The following EXOC2 variants were observed in gnomAD, a reference collection of about 807,000 sequenced individuals.
EXOC2 encodes the protein SEC5-like 1.
In EXOC2, 70 loss-of-function variants were observed where a neutral mutation model predicts 131.8. That is an observed-to-expected ratio of 0.53 (90% CI 0.44 to 0.65). EXOC2 has a LOEUF of 0.65. Ranked by LOEUF, EXOC2 falls within the 30% of genes least tolerant of loss-of-function variation. The pLI is 0.00. For synonymous variants in EXOC2, 411 were observed against 398.4 expected (o/e 1.03, Z -0.38); for missense variants, 923 against 1,108.6 (o/e 0.83, Z 2.38).
At chr6:644,828 A>G (rs558159463) in intron 1 of EXOC2, among the ~76,000 whole-genome samples, 2 of 152,304 alleles carry the variant, frequency 1.3e-5, no homozygotes, top group South Asian at 4.1e-4. Flanking sequence ...TATACTGCAG[A>G]GACAAAATAA....
intron 12 of EXOC2, among the ~76,000 whole-genome samples, chr6:573,610 T>C (rs1758409888): frequency 6.6e-6 from 1 of 152,004 alleles, no homozygotes; most frequent in Admixed American, 6.6e-5. Flanking sequence ...GCAAAAGGAT[T>C]TGCTGTTGTT....
At chr6:531,203 G>T (rs532587070) in intron 23 of EXOC2, among the ~76,000 whole-genome samples, 1 of 152,358 alleles carries the variant, frequency 6.6e-6, no homozygotes, top group South Asian at 2.1e-4. Context: ...CAGCTGGAGA[G>T]GGGCTGTGAG....
chr6:517,132 G>C (rs1765203655), intron 23 of EXOC2, among the ~76,000 whole-genome samples: 1 of 152,194 alleles, frequency 6.6e-6, no homozygotes, highest in Admixed American at 6.5e-5. Context: ...GTTGGGGGTA[G>C]ACAGGGTGGA....
chr6:541,187 C>T (rs1266549916), intron 22 of EXOC2, among the ~76,000 whole-genome samples: 1 of 152,184 alleles, frequency 6.6e-6, no homozygotes, highest in East Asian at 1.9e-4. Flanking sequence ...ATTCCAACTG[C>T]TCCTCTGCTC....
chr6:677,338 T>C (rs976580316), intron 1 of EXOC2, among the ~76,000 whole-genome samples: 1 of 152,278 alleles, frequency 6.6e-6, no homozygotes, highest in East Asian at 1.9e-4. Flanking sequence ...TTGAAGTTTT[T>C]GTGTTTAGTG....
intron 13 of EXOC2, 34 bp downstream of exon 13, chr6:572,486 T>C (rs1758339094): frequency 1.3e-6 from 2 of 1,582,510 alleles, no homozygotes; most frequent in Non-Finnish European, 1.7e-6. Context: ...GCACGGTGAC[T>C]CAGCTCCACC....
intron 22 of EXOC2, among the ~76,000 whole-genome samples, chr6:541,397 T>C (rs947091000): frequency 3.9e-5 from 6 of 152,316 alleles, no homozygotes; most frequent in Non-Finnish European, 4.4e-5. Flanking sequence ...TAATGAACTA[T>C]GTAAATAAAC....
intron 17 of EXOC2, among the ~76,000 whole-genome samples, chr6:562,168 A>C (rs1757732280): frequency 6.6e-6 from 1 of 152,230 alleles, no homozygotes. Flanking sequence ...GGCTGCTGTG[A>C]GAGACAGAAG....
At chr6:663,973 G>A (rs1184246570) in intron 1 of EXOC2, among the ~76,000 whole-genome samples, 2 of 152,086 alleles carry the variant, frequency 1.3e-5, no homozygotes, top group South Asian at 2.1e-4. Context: ...CATCCAAATC[G>A]GTAAAGAGGA....
At chr6:675,708 G>A (rs1299519881) in intron 1 of EXOC2, among the ~76,000 whole-genome samples, 1 of 115,216 alleles carries the variant, frequency 8.7e-6, no homozygotes, top group Non-Finnish European at 1.9e-5. Flanking sequence ...TGGAGACTGC[G>A]GTTCCCCATA....
intron 2 of EXOC2, among the ~76,000 whole-genome samples, chr6:637,285 T>TG (rs1403019803): frequency 6.6e-6 from 1 of 152,152 alleles, no homozygotes; most frequent in South Asian, 2.1e-4. Context: ...CACCAGGAGA[T>TG]GGGGCTGAGA....
chr6:586,802 T>C (rs1275607756), intron 11 of EXOC2, among the ~76,000 whole-genome samples: 3 of 152,136 alleles, frequency 2.0e-5, no homozygotes, highest in Non-Finnish European at 4.4e-5. Context: ...GTCCCACCCC[T>C]GCTCAGGATA....
At chr6:582,614 A>G (rs1758973305) in intron 11 of EXOC2, among the ~76,000 whole-genome samples, 1 of 135,564 alleles carries the variant, frequency 7.4e-6, no homozygotes, top group Non-Finnish European at 1.6e-5. Flanking sequence ...AAGAATTTCA[A>G]TGCCAAAGCT....
chr6:492,972 T>G (rs976185385), intron 25 of EXOC2, among the ~76,000 whole-genome samples: 1 of 152,224 alleles, frequency 6.6e-6, no homozygotes, highest in Non-Finnish European at 1.5e-5. Context: ...CATGAATAAG[T>G]GTGATCTGAC....
chr6:656,132 A>T, intron 1 of EXOC2: 1 of 1,612,038 alleles, frequency 6.2e-7, no homozygotes, highest in Non-Finnish European at 8.5e-7. Flanking sequence ...TGAAATACTG[A>T]AGAGAGACAT....
intron 22 of EXOC2, among the ~76,000 whole-genome samples, chr6:541,848 T>C (rs1158531149): frequency 6.6e-6 from 1 of 152,144 alleles, no homozygotes; most frequent in Non-Finnish European, 1.5e-5. Context: ...TACCAGAGCG[T>C]TTTTCTAAAT....
Position 656,790 on chromosome 6 carries a change from GCCTCGTGGAGGCCGCCGGAA to G in EXOC2, c.-43-18949_-43-18930del, listed in dbSNP as rs1763132511. The G allele has an allele frequency of 5.6e-6, 9 of 1,603,548 alleles. No homozygotes were observed. The Admixed American group carries it at 1.5e-4, about 27-fold the overall frequency. On this transcript the variant is annotated intron_variant, in intron 1 of 27. Coordinates refer to ENST00000230449, the MANE Select transcript of EXOC2 (RefSeq NM_018303.6). ...CTGCCGCACCTCGCACCACAGCCTG[GCCTCGTGGAGGCCGCCGGAA>G]CCCGCGGGGCCGAAGCACAGGCTGT...
At chr6:529,805 CAG>C in intron 23 of EXOC2, among the ~76,000 whole-genome samples, 1 of 152,210 alleles carries the variant, frequency 6.6e-6, no homozygotes, top group Non-Finnish European at 1.5e-5. Context: ...CATAACTAAA[CAG>C]ATAGAATTGC....
At chr6:503,401 A>G (rs1415483628) in intron 23 of EXOC2, among the ~76,000 whole-genome samples, 1 of 152,218 alleles carries the variant, frequency 6.6e-6, no homozygotes, top group Admixed American at 6.5e-5. Flanking sequence ...CTGCCAATAT[A>G]TGCAGGATGG....
Sources: allele counts gnomAD v4.1 joint callset (sites outside exome capture counted in the v4.1 genomes callset), GRCh38; gene constraint gnomAD v4.1.1; transcripts MANE v1.5; gene names NCBI Gene and HGNC (gene_info 2026-07-23, HGNC 2026-07-21).